Variants in TSPAN5 observed in about 807,000 individuals in gnomAD.
TSPAN5 encodes tetraspanin-5.
Under a neutral mutation model 37.1 loss-of-function variants are expected in TSPAN5, and 10 were observed. That is an observed-to-expected ratio of 0.27 (90% confidence interval 0.17 to 0.46). The LOEUF (loss-of-function observed/expected upper bound fraction) is 0.46. Ranked by LOEUF, TSPAN5 falls within the 20% of genes least tolerant of loss-of-function variation. The pLI, the probability that TSPAN5 is intolerant of heterozygous loss-of-function variation, is 1.00. For missense variants in TSPAN5, 195 were observed against 326.6 expected (o/e 0.60, Z 3.11); for synonymous variants, 110 against 118.9 (o/e 0.93, Z 0.48).
intron 1 of TSPAN5, among the ~76,000 whole-genome samples, chr4:98,538,819 C>T: frequency 6.6e-6 from 1 of 152,234 alleles, no homozygotes; most frequent in African/African-American, 2.4e-5. Context: ...GATAAATTTC[C>T]TTTGACTGTA....
At chr4:98,586,592 T>C (rs1417234875) in intron 1 of TSPAN5, among the ~76,000 whole-genome samples, 1 of 152,252 alleles carries the variant, frequency 6.6e-6, no homozygotes, top group Admixed American at 6.5e-5. Flanking sequence ...AGGAATTTAT[T>C]TGGGGCTTTT....
At chr4:98,532,411 T>G (rs2110130233) in intron 1 of TSPAN5, among the ~76,000 whole-genome samples, 1 of 152,352 alleles carries the variant, frequency 6.6e-6, no homozygotes, top group African/African-American at 2.4e-5. Context: ...TTCACATCCC[T>G]TGTAAGTTGG....
chr4:98,480,884 C>T (rs1048573176), intron 4 of TSPAN5, among the ~76,000 whole-genome samples: 1 of 152,158 alleles, frequency 6.6e-6, no homozygotes, highest in African/African-American at 2.4e-5. Flanking sequence ...GTTGCTGCCA[C>T]TGAACAAAAC....
At chr4:98,512,603 T>C (rs1433883788) in intron 1 of TSPAN5, among the ~76,000 whole-genome samples, 1 of 152,190 alleles carries the variant, frequency 6.6e-6, no homozygotes, top group Non-Finnish European at 1.5e-5. Context: ...GAGGGACACA[T>C]CTGCCCCACT....
chr4:98,499,057 G>A (rs1486170316), intron 2 of TSPAN5, among the ~76,000 whole-genome samples: 1 of 152,174 alleles, frequency 6.6e-6, no homozygotes, highest in South Asian at 2.1e-4. Context: ...TGAGGAAGGT[G>A]GCCAGGGATG....
rs537108513 is a variant in TSPAN5, at chr4:98,656,065, T to A, written c.81+2081A>T. Among the ~76,000 whole-genome samples the A allele has an allele frequency of 1.2e-3, 181 of 152,176 alleles. 2 individuals carry two copies. The highest frequency in any genetic ancestry group is 4.1e-3 in the African/African-American group (172 of 41,522). On this transcript the variant is annotated intron_variant, in intron 1 of 7. Transcript: ENST00000305798. ...CATAGCCTAGGTCTCCTTTCAGGCT[T>A]CCCATACTCACCCACCCACCTATGA...
chr4:98,646,466 G>T (rs1403670660), intron 1 of TSPAN5, among the ~76,000 whole-genome samples: 1 of 151,970 alleles, frequency 6.6e-6, no homozygotes, highest in African/African-American at 2.4e-5. Context: ...ACCCCACCCA[G>T]GTGTTAGGCC....
chr4:98,478,937 TA>T (rs1368929445), intron 4 of TSPAN5, 127 bp from the exon 5 acceptor site: 21 of 1,153,380 alleles, frequency 1.8e-5, no homozygotes, highest in Admixed American at 4.9e-5. Flanking sequence ...ACTTTATTTT[TA>T]AGCCAAACTG....
chr4:98,567,716 C>T (rs567812887), intron 1 of TSPAN5, among the ~76,000 whole-genome samples: 1 of 152,198 alleles, frequency 6.6e-6, no homozygotes, highest in East Asian at 1.9e-4. Flanking sequence ...GAGAGGAAAC[C>T]TGAAAGGGGC....
chr4:98,534,768 T>C (rs1754194297), intron 1 of TSPAN5, among the ~76,000 whole-genome samples: 1 of 152,230 alleles, frequency 6.6e-6, no homozygotes, highest in African/African-American at 2.4e-5. Flanking sequence ...TATCACTATG[T>C]AATGCCCTTC....
At position 98,590,463 on chromosome 4, in the gene TSPAN5, C is replaced by G. The variant is rs147572350; in HGVS notation, c.81+67683G>C. Reference sequence around the variant, plus strand: ...TGGTTGCTCACTCCTGTAATCCCAGCACTTTGGGAGGCCGAGGTGGGCAGA... The same window carrying G: ...TGGTTGCTCACTCCTGTAATCCCAGGACTTTGGGAGGCCGAGGTGGGCAGA... On this transcript the variant is annotated intron_variant, in intron 1 of 7. Coordinates refer to ENST00000305798, the MANE Select transcript of TSPAN5 (RefSeq NM_005723.4). 9.6e-3 allele frequency among the ~76,000 whole-genome samples: 1,463 copies of G among 152,282 alleles called. 26 individuals carry two copies. Among genetic ancestry groups the G allele is most frequent in the African/African-American group, 0.034 (1,397 of 41,552 alleles).
chr4:98,619,943 T>C (rs11941880), intron 1 of TSPAN5, among the ~76,000 whole-genome samples: 87,356 of 151,902 alleles, frequency 0.58, 26,502 homozygotes, highest in African/African-American at 0.77. Context: ...AGGATCTAAT[T>C]ACCTCCTAAA....
intron 1 of TSPAN5, among the ~76,000 whole-genome samples, chr4:98,600,349 C>T (rs773811581): frequency 6.6e-6 from 1 of 152,166 alleles, no homozygotes; most frequent in Middle Eastern, 3.2e-3. Flanking sequence ...CTTCCTTTCA[C>T]AAAAGATTTC....
intron 1 of TSPAN5, among the ~76,000 whole-genome samples, chr4:98,640,858 A>AT (rs1756950923): frequency 1.3e-5 from 2 of 152,208 alleles, no homozygotes; most frequent in Non-Finnish European, 2.9e-5. Flanking sequence ...CTGGTCCCTC[A>AT]ATTATCACGT....
At chr4:98,608,212 C>T (rs544530643) in intron 1 of TSPAN5, among the ~76,000 whole-genome samples, 90 of 152,300 alleles carry the variant, frequency 5.9e-4, no homozygotes, top group African/African-American at 2.0e-3. Flanking sequence ...TTCCCTATCA[C>T]AGATAAAGAT....
At chr4:98,479,440 TC>T (rs1752786299) in intron 4 of TSPAN5, among the ~76,000 whole-genome samples, 3 of 152,094 alleles carry the variant, frequency 2.0e-5, no homozygotes, top group South Asian at 4.1e-4. Flanking sequence ...GTGATGTGCT[TC>T]CCCCTGCAGA....
At chr4:98,610,237 G>C (rs1361403487) in intron 1 of TSPAN5, among the ~76,000 whole-genome samples, 1 of 152,204 alleles carries the variant, frequency 6.6e-6, no homozygotes, top group Non-Finnish European at 1.5e-5. Context: ...ATGAGGGGCA[G>C]CAAGAGATCG....
Position 98,531,109 on chromosome 4 carries a change from T to C in TSPAN5, c.82-23381A>G, listed in dbSNP as rs144339313. 1.6e-4 allele frequency among the ~76,000 whole-genome samples: 24 copies of C among 152,302 alleles called. 1 individual carries two copies. In the East Asian group the frequency reaches 4.4e-3, roughly 28 times the overall value. On this transcript the variant is annotated intron_variant, in intron 1 of 7. Transcript: ENST00000305798. ...ATTATACTTTAAGTTCCGGAGTACA[T>C]GTGCAGAACTTGCAGTTTCATTACA...
intron 1 of TSPAN5, among the ~76,000 whole-genome samples, chr4:98,622,834 T>A (rs1205937417): frequency 1.3e-5 from 2 of 152,014 alleles, no homozygotes; most frequent in African/African-American, 4.8e-5. Context: ...TTTTAGGAGC[T>A]CTGAAAATGA....
Sources: allele counts gnomAD v4.1 joint callset (sites outside exome capture counted in the v4.1 genomes callset), GRCh38; gene constraint gnomAD v4.1.1; transcripts MANE v1.5; gene names NCBI Gene and HGNC (gene_info 2026-07-23, HGNC 2026-07-21).